Variants in ATP6V0A1 observed in about 807,000 individuals in gnomAD.
ATP6V0A1 encodes V-type proton ATPase 116 kDa subunit a 1.
In ATP6V0A1, 43 loss-of-function variants were observed where a neutral mutation model predicts 105.4. The observed-to-expected ratio is 0.41, with a 90% CI of 0.32 to 0.53. The LOEUF (loss-of-function observed/expected upper bound fraction) is 0.53. ATP6V0A1 is among the 20% of genes least tolerant of loss of function. The pLI, the probability that ATP6V0A1 is intolerant of heterozygous loss-of-function variation, is 0.30. For synonymous variants in ATP6V0A1, 362 were observed against 372.8 expected, an observed-to-expected ratio of 0.97 and a Z score of 0.33; for missense variants, 676 against 1,051.1, an observed-to-expected ratio of 0.64 and a Z score of 4.93.
intron 11 of ATP6V0A1, among the ~76,000 whole-genome samples, chr17:42,493,534 G>T (rs934488124): frequency 2.0e-5 from 3 of 152,204 alleles, no homozygotes; most frequent in Non-Finnish European, 2.9e-5. Context: ...AGTGCCTCAT[G>T]CCTGTAATCT....
In ATP6V0A1 at chr17:42,508,346, AAAAG is replaced by A. The variant is rs1424204585; in HGVS notation, c.2113-222_2113-219del. The stretch of plus-strand genomic sequence containing the variant: ...ACTTTCACTATATATGATTTTTTAA[AAAAG>A]AAATCACAAGGGTTGTGGATGCCTT... On this transcript the variant is annotated intron_variant, in intron 18 of 21. Coordinates refer to ENST00000343619, the MANE Select transcript of ATP6V0A1 (RefSeq NM_001130021.3). Among the ~76,000 whole-genome samples the A allele has an allele frequency of 3.9e-5, 6 of 152,372 alleles. No individual in the cohort carries two copies. The East Asian group carries it at 9.6e-4, about 24-fold the overall frequency.
chr17:42,518,571 C>T lies in ATP6V0A1; in HGVS notation c.2421-2456C>T, dbSNP rs1277689332. The T allele has an allele frequency of 2.6e-5, 4 of 152,300 alleles. 1 individual carries two copies. Among genetic ancestry groups the T allele is most frequent in the Non-Finnish European group, 5.9e-5 (4 of 68,116 alleles). 9.4% of individuals were successfully genotyped at this position (152,300 alleles called of 1,614,324 possible). On this transcript the variant is annotated intron_variant, in intron 21 of 21. Coordinates refer to ENST00000343619, the MANE Select transcript of ATP6V0A1 (RefSeq NM_001130021.3). The stretch of plus-strand genomic sequence containing the variant: ...ACCCCCACCAGGGAAGGGAAGCGGC[C>T]CCAAGACTCCTTCCTCCTTCACCCA...
At chr17:42,471,482 C>T (rs991169960) in intron 5 of ATP6V0A1, 8 of 151,482 alleles carry the variant, frequency 5.3e-5, no homozygotes, top group Non-Finnish European at 1.0e-4. Context: ...ACCTGTAATC[C>T]CAGTACTTTG....
intron 14 of ATP6V0A1, among the ~76,000 whole-genome samples, chr17:42,496,984 G>A (rs890093847): frequency 6.6e-6 from 1 of 152,064 alleles, no homozygotes; most frequent in African/African-American, 2.4e-5. Flanking sequence ...CTGTAGTTTA[G>A]AGACTCAAGA....
rs765122384 is a variant in ATP6V0A1, at chr17:42,483,019, C to G, written c.717-19C>G. On this transcript the variant is annotated intron_variant, in intron 8 of 21. Transcript: ENST00000343619. ...TTAAATTAGATAAGTTAAGAAACTT[C>G]GATGTTCTTATATTCCAGGTTCCGA... is the stretch of plus-strand genomic sequence containing the variant. 1 of 1,422,180 alleles carries G rather than the reference C, an allele frequency of 7.0e-7. No homozygotes were observed. The highest frequency in any genetic ancestry group is 1.7e-5 in the South Asian group (1 of 60,286). 88.1% of individuals were successfully genotyped at this position (1,422,180 alleles called of 1,614,324 possible).
intron 11 of ATP6V0A1, among the ~76,000 whole-genome samples, chr17:42,492,585 A>T (rs958252437): frequency 1.3e-5 from 2 of 151,298 alleles, no homozygotes; most frequent in Non-Finnish European, 2.9e-5. Context: ...TCTTGCCTGT[A>T]ATCTCAGCGA....
At chr17:42,492,764 C>T (rs1305793874) in intron 11 of ATP6V0A1, among the ~76,000 whole-genome samples, 2 of 150,892 alleles carry the variant, frequency 1.3e-5, no homozygotes, top group African/African-American at 4.9e-5. Context: ...GCCTGTAATC[C>T]CAGCACTTTG....
intron 19 of ATP6V0A1, chr17:42,510,539 G>A (rs1372556537): frequency 6.6e-6 from 1 of 152,318 alleles, no homozygotes; most frequent in East Asian, 1.9e-4. Context: ...CAGCTTCACA[G>A]GGGCAAAACA....
At chr17:42,516,550 T>G (rs2092635916) in intron 21 of ATP6V0A1, among the ~76,000 whole-genome samples, 2 of 152,196 alleles carry the variant, frequency 1.3e-5, no homozygotes, top group African/African-American at 4.8e-5. Flanking sequence ...CCCCTTGGCC[T>G]CCTTTCTTTT....
intron 19 of ATP6V0A1, among the ~76,000 whole-genome samples, chr17:42,513,051 C>A (rs1945800546): frequency 6.6e-6 from 1 of 152,204 alleles, no homozygotes; most frequent in African/African-American, 2.4e-5. Context: ...AGTTCACTCC[C>A]AAGAGCTTGT....
At chr17:42,506,778 A>G (rs1284636011) in intron 17 of ATP6V0A1, among the ~76,000 whole-genome samples, 4 of 152,120 alleles carry the variant, frequency 2.6e-5, no homozygotes, top group Non-Finnish European at 4.4e-5. Flanking sequence ...TTTAAAATCT[A>G]CTTTTGGAGA....
intron 17 of ATP6V0A1, among the ~76,000 whole-genome samples, chr17:42,501,876 A>G (rs568325465): frequency 6.6e-6 from 1 of 152,082 alleles, no homozygotes; most frequent in African/African-American, 2.4e-5. Context: ...TTTACTAAAA[A>G]TACAAAAATT....
At chr17:42,478,742 A>G (rs1488997953) in intron 7 of ATP6V0A1, 153 bp downstream of exon 7, 1 of 757,354 alleles carries the variant, frequency 1.3e-6, no homozygotes, top group Non-Finnish European at 1.9e-6. Flanking sequence ...ACTTCCTCTT[A>G]GTTAATTCCT....
chr17:42,460,911 G>A lies in ATP6V0A1; in HGVS notation c.17G>A (p.Arg6Gln), dbSNP rs144263882. ...TCTGCCACCATGGGGGAGCTTTTCCGGAGTGAAGAAATGACACTGGCCCAG... is the reference window on the plus strand; with the variant it reads ...TCTGCCACCATGGGGGAGCTTTTCCAGAGTGAAGAAATGACACTGGCCCAG... MGELF[R>Q]SEEMTLAQLF... The change falls in exon 2 of 22, where the codon CGG becomes CAG. Residue 6 changes from arginine to glutamine, a missense_variant. By Grantham distance (43) the Arg-to-Gln change is conservative. Transcript: ENST00000343619. 845 of 1,613,870 alleles carry A rather than the reference G, an allele frequency of 5.2e-4. No individual in the cohort carries two copies. The highest frequency in any genetic ancestry group is 6.8e-4 in the Non-Finnish European group (805 of 1,179,908).
chr17:42,480,806 C>G (rs2089401449), intron 8 of ATP6V0A1, 57 bp downstream of exon 8: 1 of 1,507,590 alleles, frequency 6.6e-7, no homozygotes. Context: ...ACTGTTGAGT[C>G]TTAAAGTTCA....
intron 17 of ATP6V0A1, among the ~76,000 whole-genome samples, chr17:42,505,899 T>C (rs2091992730): frequency 6.6e-6 from 1 of 152,028 alleles, no homozygotes; most frequent in South Asian, 2.1e-4. Flanking sequence ...GCAGTTGTCC[T>C]GCTTCAGCCT....
rs760615715 is a variant in ATP6V0A1, at chr17:42,495,206, C to T, written c.1469+18C>T. 5.1e-5 allele frequency: 83 copies of T among 1,612,048 alleles called. No homozygotes were observed. The highest frequency in any genetic ancestry group is 7.0e-5 in the Non-Finnish European group (82 of 1,178,554). ...AATTGGACGTAAGTTGCAGAAGAAG[C>T]TAAAATTCAAAGCTTATTCCTTTCA... On this transcript the variant is annotated intron_variant, in intron 13 of 21. Transcript: ENST00000343619.
intron 15 of ATP6V0A1, among the ~76,000 whole-genome samples, chr17:42,499,321 A>G (rs2091466655): frequency 6.6e-6 from 1 of 151,890 alleles, no homozygotes; most frequent in African/African-American, 2.4e-5. Context: ...AAATACAAAA[A>G]TCAGCCAGGT....
chr17:42,495,350 C>T (rs1434175153), intron 13 of ATP6V0A1, among the ~76,000 whole-genome samples, 162 bp downstream of exon 13: 1 of 152,104 alleles, frequency 6.6e-6, no homozygotes, highest in Non-Finnish European at 1.5e-5. Context: ...CAGCAAGTAT[C>T]CAGGAACTAA....
Sources: gnomAD v4.1 joint callset for allele counts (sites outside exome capture counted in the v4.1 genomes callset) on GRCh38, gnomAD v4.1.1 for gene constraint, MANE v1.5 for transcripts, NCBI Gene and HGNC (gene_info 2026-07-23, HGNC 2026-07-21) for gene names.